The following CCDC171 variants were observed in gnomAD, a reference collection of about 807,000 sequenced individuals.
The protein encoded by CCDC171 is coiled-coil domain-containing protein 171.
Under a neutral mutation model 168.2 loss-of-function variants are expected in CCDC171, and 177 were observed. That is an observed-to-expected ratio of 1.05 (90% CI 0.93 to 1.19). The LOEUF (loss-of-function observed/expected upper bound fraction) is 1.19, where lower values mean the gene tolerates loss of function less well. Among genes scored for constraint, CCDC171 ranks in the 50% most tolerant of loss-of-function variants. The pLI is 0.00. For synonymous variants in CCDC171, 687 were observed against 540.8 expected, an observed-to-expected ratio of 1.27 and a Z score of -3.75; for missense variants, 1,991 against 1,539.0, an observed-to-expected ratio of 1.29 and a Z score of -4.91.
At position 16,004,468 on chromosome 9, in the gene CCDC171, A is replaced by G. The variant is rs533773677; in HGVS notation, n.369-16121A>G. Among the ~76,000 whole-genome samples the G allele has an allele frequency of 2.4e-4, 36 of 152,228 alleles. 1 individual carries two copies. The highest frequency in any genetic ancestry group is 8.5e-4 in the Admixed American group (13 of 15,286). ...AACAAAGATGACGAGCTGGTGGCCC[A>G]GTGGGGAAATCTTGTCCAGCGATCT... On this transcript the variant is annotated intron_variant and non_coding_transcript_variant, in intron 3 of 9. Transcript: ENST00000486641.
At chr9:15,583,446 G>A (rs2663300) in intron 4 of CCDC171, among the ~76,000 whole-genome samples, 1 of 150,064 alleles carries the variant, frequency 6.7e-6, no homozygotes, top group South Asian at 2.1e-4. Context: ...TATATATACA[G>A]CAAGGAATAC....
rs77675016 is a variant in CCDC171 at position 16,050,772 on chromosome 9, T to C, written n.89+7886T>C. Reference sequence around the variant, plus strand: ...ATCTGCGTTTGTGAAAAATAAAATTTCACAAGATCTGGGCTCTTGAGCTAC... The same window carrying C: ...ATCTGCGTTTGTGAAAAATAAAATTCCACAAGATCTGGGCTCTTGAGCTAC... On this transcript the variant is annotated intron_variant and non_coding_transcript_variant, in intron 1 of 1. Transcript: ENST00000478913. Among the ~76,000 whole-genome samples the C allele has an allele frequency of 6.7e-3, 1,025 of 152,330 alleles. 13 individuals carry two copies. Among genetic ancestry groups the C allele is most frequent in the African/African-American group, 0.024 (984 of 41,578 alleles).
intron 25 of CCDC171, among the ~76,000 whole-genome samples, chr9:15,952,891 T>A (rs186916464): frequency 6.6e-6 from 1 of 152,322 alleles, no homozygotes; most frequent in African/African-American, 2.4e-5. Context: ...TACAAATGTT[T>A]CCACCTCCTT....
At position 15,666,364 on chromosome 9, in the gene CCDC171, A is replaced by AT. The variant is rs2048733607; in HGVS notation, c.1076+45dup. 15 of 1,377,676 alleles carry AT rather than the reference A, an allele frequency of 1.1e-5. No individual in the cohort carries two copies. In the South Asian group the frequency reaches 1.9e-4, roughly 18 times the overall value. 85.3% of individuals were successfully genotyped at this position (1,377,676 alleles called of 1,614,324 possible). On this transcript the variant is annotated intron_variant, in intron 9 of 25. Coordinates refer to ENST00000380701, the MANE Select transcript of CCDC171 (RefSeq NM_173550.4). Reference sequence around the variant, plus strand: ...TAAAATTCTCTAAATTAACATAAAGATTTTAAAAGAGCTATATAAAATATG... The same window carrying AT: ...TAAAATTCTCTAAATTAACATAAAGATTTTTAAAAGAGCTATATAAAATATG...
chr9:15,874,633 C>T lies in CCDC171; in HGVS notation c.3570C>T (p.Leu1190=). 6.2e-7 allele frequency: 1 copy of T among 1,601,110 alleles called. No individual in the cohort carries two copies. Among genetic ancestry groups the T allele is most frequent in the Non-Finnish European group, 8.5e-7 (1 of 1,173,626 alleles). ...TGGAGACCTTTGCAATGGAGGGGCT[C>T]AAGGGCGGGCCAGAGGTGGTAGCAT... The part of the protein sequence containing the change: ...LHLETFAMEG[L]KGGPEVVACQ... Residue 1190 remains leucine, a synonymous_variant, in exon 24 of 26, where the codon CTC becomes CTT. Coordinates refer to ENST00000380701, the MANE Select transcript of CCDC171 (RefSeq NM_173550.4).
At chr9:16,000,728 CT>C (rs368139063) in intron 3 of CCDC171, among the ~76,000 whole-genome samples, 38 of 148,226 alleles carry the variant, frequency 2.6e-4, no homozygotes, top group African/African-American at 3.0e-4. Context: ...TAAGAAGAGA[CT>C]TTTTTTTTTT....
chr9:15,809,604 A>T (rs1238907305), intron 21 of CCDC171, among the ~76,000 whole-genome samples: 1 of 151,958 alleles, frequency 6.6e-6, no homozygotes, highest in African/African-American at 2.4e-5. Flanking sequence ...TTAAGGCGGC[A>T]CGTCTGGAGT....
At chr9:15,741,489 T>A (rs2054877455) in intron 16 of CCDC171, among the ~76,000 whole-genome samples, 2 of 152,224 alleles carry the variant, frequency 1.3e-5, no homozygotes, top group African/African-American at 4.8e-5. Flanking sequence ...AATAATATTC[T>A]GTTGTGTGGA....
intron 23 of CCDC171, among the ~76,000 whole-genome samples, chr9:15,874,321 C>A (rs543273601): frequency 2.0e-5 from 3 of 152,016 alleles, no homozygotes; most frequent in Non-Finnish European, 4.4e-5. Context: ...TCATTTCAAG[C>A]AGGAGGATGC....
chr9:15,989,179 AG>A (rs1268691992), intron 3 of CCDC171, among the ~76,000 whole-genome samples: 3 of 152,190 alleles, frequency 2.0e-5, no homozygotes, highest in Non-Finnish European at 4.4e-5. Context: ...GGCATCCCCC[AG>A]TAGGGGCAGA....
intron 6 of CCDC171, among the ~76,000 whole-genome samples, chr9:15,615,626 G>A (rs768070604): frequency 6.6e-6 from 1 of 151,996 alleles, no homozygotes; most frequent in Non-Finnish European, 1.5e-5. Flanking sequence ...TAACTGATTG[G>A]CCTTTGATTT....
At chr9:15,776,421 A>T (rs76116507) in intron 18 of CCDC171, 2 of 152,194 alleles carry the variant, frequency 1.3e-5, no homozygotes, top group East Asian at 3.8e-4. Context: ...AACTTATATT[A>T]CCGTATATTT....
chr9:15,585,222 C>T (rs1206792919), intron 4 of CCDC171, among the ~76,000 whole-genome samples: 5 of 152,072 alleles, frequency 3.3e-5, no homozygotes, highest in Admixed American at 3.3e-4. Flanking sequence ...ATCTTATGAG[C>T]CAGTGGTTTC....
chr9:15,623,488 CA>C, intron 7 of CCDC171, 75 bp downstream of exon 7: 1 of 632,102 alleles, frequency 1.6e-6, no homozygotes, highest in Non-Finnish European at 2.5e-6. Context: ...CACACACACA[CA>C]CACACACACA....
rs1344065551 is a variant in CCDC171, at chr9:15,578,851, G to A, written c.180G>A (p.Leu60=). Reference sequence around the variant, plus strand: ...TGATATCAGGAATCTGTTTTTAGCTGGCAAGCTATGAGAGCCAGATTGCCA... The same window carrying A: ...TGATATCAGGAATCTGTTTTTAGCTAGCAAGCTATGAGAGCCAGATTGCCA... ...LEITTKHNAE[L]ASYESQIAKL... Residue 60 remains leucine, a splice_region_variant and synonymous_variant, in exon 4 of 26, where the codon CTG becomes CTA. Transcript: ENST00000380701. 2 of 1,611,292 alleles carry A rather than the reference G, an allele frequency of 1.2e-6. No homozygotes were observed. Among genetic ancestry groups the A allele is most frequent in the Non-Finnish European group, 1.7e-6 (2 of 1,178,676 alleles).
At chr9:15,912,627 G>C (rs1823864281) in intron 24 of CCDC171, among the ~76,000 whole-genome samples, 1 of 152,130 alleles carries the variant, frequency 6.6e-6, no homozygotes, top group African/African-American at 2.4e-5. Flanking sequence ...GTTTTCAAAG[G>C]GAATGCTTCC....
intron 6 of CCDC171, among the ~76,000 whole-genome samples, chr9:15,622,544 G>C (rs2044589803): frequency 6.6e-6 from 1 of 152,322 alleles, no homozygotes; most frequent in East Asian, 1.9e-4. Context: ...ATGTGGGAAA[G>C]AGGGCTTTGT....
chr9:16,074,130 T>C, the CCDC171 span, among the ~76,000 whole-genome samples: 7 of 152,168 alleles, frequency 4.6e-5, no homozygotes, highest in African/African-American at 1.7e-4. Context: ...AATCCCTTTA[T>C]TTTAGCCCCA....
At chr9:16,073,011 A>C in the CCDC171 span, among the ~76,000 whole-genome samples, 2 of 152,238 alleles carry the variant, frequency 1.3e-5, no homozygotes, top group Non-Finnish European at 2.9e-5. Flanking sequence ...TCCTTGGGCA[A>C]GTTGCTTTAC....
Sources: allele counts gnomAD v4.1 joint callset (sites outside exome capture counted in the v4.1 genomes callset), GRCh38; gene constraint gnomAD v4.1.1; transcripts MANE v1.5; gene names NCBI Gene and HGNC (gene_info 2026-07-23, HGNC 2026-07-21).